Variants in FAM78B observed in about 807,000 individuals in gnomAD.
FAM78B encodes the protein protein FAM78B.
A neutral mutation model predicts 20.0 loss-of-function variants in FAM78B; 10 were observed. That is an observed-to-expected ratio of 0.50 (90% confidence interval 0.31 to 0.85). The LOEUF (loss-of-function observed/expected upper bound fraction) is 0.85, where lower values mean the gene tolerates loss of function less well. Ranked by LOEUF, FAM78B falls within the 40% of genes least tolerant of loss-of-function variation. FAM78B has a pLI of 0.05. For synonymous variants in FAM78B, 135 were observed against 132.8 expected, an observed-to-expected ratio of 1.02 and a Z score of -0.12; for missense variants, 283 against 345.0, an observed-to-expected ratio of 0.82 and a Z score of 1.42.
intron 1 of FAM78B, among the ~76,000 whole-genome samples, chr1:166,158,602 T>G (rs1445814404): frequency 1.3e-5 from 2 of 152,218 alleles, no homozygotes; most frequent in Non-Finnish European, 2.9e-5. Context: ...TCTCCAGACG[T>G]TCCTCGATCT....
intron 1 of FAM78B, among the ~76,000 whole-genome samples, chr1:166,103,998 A>T (rs935402883): frequency 1.3e-5 from 2 of 152,216 alleles, no homozygotes; most frequent in Non-Finnish European, 2.9e-5. Flanking sequence ...CCAAAAGCTT[A>T]TCCACCATGA....
At position 166,079,196 on chromosome 1, in the gene FAM78B, T is replaced by G. The variant is rs577767026; in HGVS notation, c.264-8433A>C. Among the ~76,000 whole-genome samples the G allele has an allele frequency of 3.9e-5, 6 of 152,246 alleles. No individual in the cohort carries two copies. The South Asian group carries it at 1.0e-3, about 26-fold the overall frequency. On this transcript the variant is annotated intron_variant, in intron 1 of 1. Coordinates refer to ENST00000354422, the MANE Select transcript of FAM78B (RefSeq NM_001017961.5). ...GATCCTCCTGCCTCCGCCCGCCAAGTTGCTGGGATTACAGGCATGAACCAC... is the reference window on the plus strand; with the variant it reads ...GATCCTCCTGCCTCCGCCCGCCAAGGTGCTGGGATTACAGGCATGAACCAC...
rs565988007 is a variant in FAM78B at position 166,164,296 on chromosome 1, G to C, written c.263+1690C>G. 3.8e-4 allele frequency among the ~76,000 whole-genome samples: 58 copies of C among 152,334 alleles called. 1 individual carries two copies. In the South Asian group the frequency reaches 0.011, roughly 29 times the overall value. Reference sequence around the variant, plus strand: ...CAGCAACCCACTGCCATCAGGGTGAGGCCAGGGAAATGAGAGGAAGGGCTC... The same window carrying C: ...CAGCAACCCACTGCCATCAGGGTGACGCCAGGGAAATGAGAGGAAGGGCTC... On this transcript the variant is annotated intron_variant, in intron 1 of 1. Coordinates refer to ENST00000354422, the MANE Select transcript of FAM78B (RefSeq NM_001017961.5).
At chr1:166,056,070 G>C (rs928067871), downstream of FAM78B, among the ~76,000 whole-genome samples, 16 of 152,156 alleles carry the variant, frequency 1.1e-4, no homozygotes, top group African/African-American at 3.9e-4. Flanking sequence ...CTCCAGAGTT[G>C]AGCATGTGCT....
At chr1:166,119,724 T>A (rs1192531048) in intron 1 of FAM78B, among the ~76,000 whole-genome samples, 1 of 152,182 alleles carries the variant, frequency 6.6e-6, no homozygotes, top group Non-Finnish European at 1.5e-5. Context: ...ATCCAAGAGA[T>A]TAAAGCGCAT....
At chr1:166,093,678 T>C (rs1055601353) in intron 1 of FAM78B, among the ~76,000 whole-genome samples, 1 of 151,610 alleles carries the variant, frequency 6.6e-6, no homozygotes, top group Non-Finnish European at 1.5e-5. Context: ...CTTTGCAGAA[T>C]AAAAGAATTC....
chr1:166,136,788 G>C lies in FAM78B; in HGVS notation c.263+29198C>G, dbSNP rs1452485623. 5.3e-5 allele frequency among the ~76,000 whole-genome samples: 8 copies of C among 152,296 alleles called. No homozygotes were observed. The East Asian group carries it at 1.5e-3, about 29-fold the overall frequency. On this transcript the variant is annotated intron_variant, in intron 1 of 1. Transcript: ENST00000354422. Reference sequence around the variant, plus strand: ...CAGTTGCAGCAACACAGCTTGCCTGGATGGTCAATAGTCTAGGCTCCTGCT... The same window carrying C: ...CAGTTGCAGCAACACAGCTTGCCTGCATGGTCAATAGTCTAGGCTCCTGCT...
intron 1 of FAM78B, among the ~76,000 whole-genome samples, chr1:166,126,733 A>G (rs563152694): frequency 6.6e-6 from 1 of 152,282 alleles, no homozygotes; most frequent in East Asian, 1.9e-4. Flanking sequence ...TTATTGCATT[A>G]TGTAGGCTAC....
At chr1:166,156,759 T>C (rs963928404) in intron 1 of FAM78B, among the ~76,000 whole-genome samples, 8 of 152,284 alleles carry the variant, frequency 5.3e-5, no homozygotes, top group African/African-American at 1.9e-4. Flanking sequence ...ACAACCTTCC[T>C]GAGCATGAAC....
intron 1 of FAM78B, among the ~76,000 whole-genome samples, chr1:166,137,555 A>T (rs1655114220): frequency 6.6e-6 from 1 of 151,980 alleles, no homozygotes; most frequent in African/African-American, 2.4e-5. Context: ...GTTATACTAT[A>T]GCTCCACAAG....
rs73023443 is a variant in FAM78B, at chr1:166,082,084, C to T, written c.264-11321G>A. Among the ~76,000 whole-genome samples, 352 of 152,284 alleles carry T rather than the reference C, an allele frequency of 2.3e-3. 1 individual carries two copies. Among genetic ancestry groups the T allele is most frequent in the African/African-American group, 8.0e-3 (331 of 41,548 alleles). On this transcript the variant is annotated intron_variant, in intron 1 of 1. Coordinates refer to ENST00000354422, the MANE Select transcript of FAM78B (RefSeq NM_001017961.5). Reference sequence around the variant, plus strand: ...AAGCTTGTGCTGCCCCTGCAAGCCACGAATATGGTTTTTATAAAATGTACA... The same window carrying T: ...AAGCTTGTGCTGCCCCTGCAAGCCATGAATATGGTTTTTATAAAATGTACA...
At chr1:166,068,004 ATATCT>A (rs1320368501), downstream of FAM78B, among the ~76,000 whole-genome samples, 1 of 152,232 alleles carries the variant, frequency 6.6e-6, no homozygotes, top group Non-Finnish European at 1.5e-5. Flanking sequence ...TGTGTAAGTC[ATATCT>A]TATTTTAATG....
At chr1:166,128,738 G>GACAGTC (rs1654734202) in intron 1 of FAM78B, among the ~76,000 whole-genome samples, 1 of 152,164 alleles carries the variant, frequency 6.6e-6, no homozygotes, top group African/African-American at 2.4e-5. Context: ...GAGACAGTGG[G>GACAGTC]TGAGGCAGTA....
intron 1 of FAM78B, among the ~76,000 whole-genome samples, chr1:166,116,541 T>G (rs1440370577): frequency 6.6e-6 from 1 of 152,160 alleles, no homozygotes; most frequent in African/African-American, 2.4e-5. Context: ...AGGTTATGGT[T>G]TAAAATCAAA....
intron 1 of FAM78B, among the ~76,000 whole-genome samples, chr1:166,087,657 T>C (rs76006541): frequency 0.028 from 4,207 of 152,292 alleles, 261 homozygotes; most frequent in Admixed American, 0.14. Context: ...GTAATGTGTC[T>C]CTCTTTGCCC....
intron 1 of FAM78B, among the ~76,000 whole-genome samples, chr1:166,074,738 T>A (rs1024243124): frequency 1.3e-5 from 2 of 152,202 alleles, no homozygotes; most frequent in Admixed American, 6.5e-5. Flanking sequence ...AAGTTGCTTA[T>A]CCTTAAAAGG....
At chr1:166,094,996 G>T (rs1488530184) in intron 1 of FAM78B, among the ~76,000 whole-genome samples, 1 of 152,190 alleles carries the variant, frequency 6.6e-6, no homozygotes, top group Non-Finnish European at 1.5e-5. Context: ...ACTTGTCTAA[G>T]GTGACCAAAT....
intron 1 of FAM78B, among the ~76,000 whole-genome samples, chr1:166,093,997 G>A (rs1476450790): frequency 2.0e-5 from 3 of 148,270 alleles, no homozygotes; most frequent in Non-Finnish European, 4.4e-5. Context: ...CAGGGCTTGC[G>A]AATGACTGTG....
intron 1 of FAM78B, among the ~76,000 whole-genome samples, chr1:166,161,051 T>C (rs1656128276): frequency 6.6e-6 from 1 of 152,120 alleles, no homozygotes. Flanking sequence ...GAGAGCGGCA[T>C]ATGGAAACGT....
Sources: gnomAD v4.1 joint callset for allele counts (sites outside exome capture counted in the v4.1 genomes callset) on GRCh38, gnomAD v4.1.1 for gene constraint, MANE v1.5 for transcripts, NCBI Gene and HGNC (gene_info 2026-07-23, HGNC 2026-07-21) for gene names.